Variants in KCTD8 observed in about 807,000 individuals in gnomAD.
KCTD8 encodes potassium channel tetramerization domain containing 8, also known as BTB/POZ domain-containing protein KCTD8.
Under a neutral mutation model 31.5 loss-of-function variants are expected in KCTD8, and 27 were observed. The observed-to-expected ratio is 0.86, with a 90% confidence interval of 0.63 to 1.18. The LOEUF (loss-of-function observed/expected upper bound fraction) is 1.18, where lower values mean the gene tolerates loss of function less well. Ranked by LOEUF, KCTD8 falls within the 50% of genes most tolerant of loss-of-function variation. KCTD8 has a pLI of 0.00. For synonymous variants in KCTD8, 290 were observed against 280.0 expected, an observed-to-expected ratio of 1.04 and a Z score of -0.36; for missense variants, 658 against 647.7, an observed-to-expected ratio of 1.02 and a Z score of -0.17.
At chr4:44,176,362 C>T (rs756065705) in intron 1 of KCTD8, among the ~76,000 whole-genome samples, 1 of 152,136 alleles carries the variant, frequency 6.6e-6, no homozygotes, top group East Asian at 1.9e-4. Context: ...ATTATTGATA[C>T]CTTGGAACCA....
chr4:44,174,871 A>T lies in KCTD8; in HGVS notation c.1341T>A (p.Phe447Leu), dbSNP rs757263354. The T allele has an allele frequency of 6.8e-6, 11 of 1,613,680 alleles. No homozygotes were observed. Among genetic ancestry groups the T allele is most frequent in the East Asian group, 4.5e-5 (2 of 44,896 alleles). Residue 447 changes from phenylalanine (F) to leucine (L), a missense_variant, in exon 2 of 2, where the codon TTT becomes TTA. By Grantham distance (22) the Phe-to-Leu change is conservative (BLOSUM62 0). Coordinates refer to ENST00000360029, the MANE Select transcript of KCTD8 (RefSeq NM_198353.3). ...AATAATCTGGAATGTGGATTTTTTT[A>T]AAATCCTGAATACACTTTTTCATTT... ...EEEMKKCIQD[F>L]KKIHIPDYFP...
rs1720263904 is a variant in KCTD8, at chr4:44,387,895, G to A, written c.961+59668C>T. On this transcript the variant is annotated intron_variant, in intron 1 of 1. Coordinates refer to ENST00000360029, the MANE Select transcript of KCTD8 (RefSeq NM_198353.3). ...ATTGAATAAACTTAAGAGCTGCATG[G>A]CAAAAGAAACTTGCCAACTGAGTAA... 2.0e-5 allele frequency among the ~76,000 whole-genome samples: 3 copies of A among 151,274 alleles called. No homozygotes were observed. The South Asian group carries it at 6.2e-4, about 31-fold the overall frequency.
chr4:44,301,108 G>C (rs1299698833), intron 1 of KCTD8, among the ~76,000 whole-genome samples: 2 of 151,954 alleles, frequency 1.3e-5, no homozygotes, highest in East Asian at 3.9e-4. Flanking sequence ...TCTTAATCCA[G>C]TCTATCGTTG....
intron 1 of KCTD8, among the ~76,000 whole-genome samples, chr4:44,206,068 G>C (rs1354990035): frequency 6.6e-6 from 1 of 152,070 alleles, no homozygotes; most frequent in East Asian, 1.9e-4. Flanking sequence ...GAACAGTGAA[G>C]GCAAGCTTTC....
chr4:44,446,573 G>T (rs573333681), intron 1 of KCTD8, among the ~76,000 whole-genome samples: 4 of 152,030 alleles, frequency 2.6e-5, no homozygotes, highest in Non-Finnish European at 5.9e-5. Flanking sequence ...TCAGATTATG[G>T]TATTTGGTAT....
intron 1 of KCTD8, among the ~76,000 whole-genome samples, chr4:44,219,959 G>GT (rs898975448): frequency 2.0e-5 from 3 of 152,086 alleles, no homozygotes; most frequent in African/African-American, 7.2e-5. Context: ...TAAAAATGTT[G>GT]TTTTTTATTT....
At chr4:44,226,920 T>C (rs1248832385) in intron 1 of KCTD8, among the ~76,000 whole-genome samples, 1 of 151,346 alleles carries the variant, frequency 6.6e-6, no homozygotes, top group African/African-American at 2.4e-5. Flanking sequence ...TTTAAGTTCC[T>C]TGTAGATTCT....
Position 44,205,112 on chromosome 4 carries a change from T to C in KCTD8, c.962-29862A>G, listed in dbSNP as rs543696537. 4.8e-3 allele frequency among the ~76,000 whole-genome samples: 738 copies of C among 152,288 alleles called. 7 individuals carry two copies. Among genetic ancestry groups the C allele is most frequent in the African/African-American group, 0.017 (696 of 41,572 alleles). On this transcript the variant is annotated intron_variant, in intron 1 of 1. Coordinates refer to ENST00000360029, the MANE Select transcript of KCTD8 (RefSeq NM_198353.3). ...TATCTTTCAAATAAATATGTATACA[T>C]GCAATGCAAGACTAATGCAAATCTC...
At chr4:44,416,132 G>A (rs6834897) in intron 1 of KCTD8, among the ~76,000 whole-genome samples, 11,815 of 152,256 alleles carry the variant, frequency 0.078, 1,272 homozygotes, top group African/African-American at 0.25. Flanking sequence ...GATTATTTTC[G>A]AGCTATAAGA....
chr4:44,402,510 C>A (rs886996471), intron 1 of KCTD8, among the ~76,000 whole-genome samples: 22 of 152,058 alleles, frequency 1.4e-4, no homozygotes, highest in Non-Finnish European at 2.2e-4. Flanking sequence ...TACGGTAGTG[C>A]CCCCATAAAC....
intron 1 of KCTD8, among the ~76,000 whole-genome samples, chr4:44,175,578 TA>T (rs779927410): frequency 1.8e-4 from 28 of 151,558 alleles, no homozygotes; most frequent in South Asian, 6.3e-4. Flanking sequence ...TCCTGGAATA[TA>T]AAAAAAAATG....
intron 1 of KCTD8, among the ~76,000 whole-genome samples, chr4:44,405,000 T>C (rs1197952918): frequency 6.6e-6 from 1 of 152,136 alleles, no homozygotes; most frequent in Non-Finnish European, 1.5e-5. Flanking sequence ...CTAAAAGAAA[T>C]TACAGTTCAA....
rs1721987554 is a variant in KCTD8 at position 44,447,887 on chromosome 4, A to G, written c.637T>C (p.Tyr213His). The G allele has an allele frequency of 6.5e-7, 1 of 1,538,014 alleles. No homozygotes were observed. Among genetic ancestry groups the G allele is most frequent in the East Asian group, 2.5e-5 (1 of 39,670 alleles). The change falls in exon 1 of 2, where the codon TAC (tyrosine) becomes CAC (histidine). Residue 213 changes from tyrosine to histidine, a missense_variant. By Grantham distance (83) the Tyr-to-His change is moderately conservative (BLOSUM62 2). Coordinates refer to ENST00000360029, the MANE Select transcript of KCTD8 (RefSeq NM_198353.3). ...CGCACGGTGGTGTAGGAGCCCCGGT[A>G]GCCCAGCGTGAGGAAGCCCGAGCGC... Reference protein sequence around the residue: ...DKRSGFLTLGYRGSYTTVRDN... With the variant: ...DKRSGFLTLGHRGSYTTVRDN...
intron 1 of KCTD8, among the ~76,000 whole-genome samples, chr4:44,351,764 T>G (rs1386169924): frequency 6.6e-6 from 1 of 152,086 alleles, no homozygotes; most frequent in Non-Finnish European, 1.5e-5. Flanking sequence ...GAACATTTTG[T>G]CCCTGCCTAG....
At chr4:44,289,243 C>T (rs57294429) in intron 1 of KCTD8, among the ~76,000 whole-genome samples, 1,965 of 150,940 alleles carry the variant, frequency 0.013, 49 homozygotes, top group African/African-American at 0.045. Context: ...TATTAAAATG[C>T]TATACTATTA....
chr4:44,258,930 C>A (rs530556139), intron 1 of KCTD8, among the ~76,000 whole-genome samples: 27 of 151,844 alleles, frequency 1.8e-4, no homozygotes, highest in African/African-American at 6.0e-4. Flanking sequence ...TAATAATGAC[C>A]CCTACCTCAT....
Position 44,353,371 on chromosome 4 carries a change from T to C in KCTD8, c.961+94192A>G, listed in dbSNP as rs577341585. 7.9e-5 allele frequency among the ~76,000 whole-genome samples: 12 copies of C among 152,212 alleles called. No homozygotes were observed. The South Asian group carries it at 2.1e-3, about 26-fold the overall frequency. Reference sequence around the variant, plus strand: ...CAAGTATAAGAGTTGTATATATTTATGGGATACATGTGATAGTTTAATACA... The same window carrying C: ...CAAGTATAAGAGTTGTATATATTTACGGGATACATGTGATAGTTTAATACA... On this transcript the variant is annotated intron_variant, in intron 1 of 1. Coordinates refer to ENST00000360029, the MANE Select transcript of KCTD8 (RefSeq NM_198353.3).
chr4:44,412,115 A>T (rs899520625), intron 1 of KCTD8, among the ~76,000 whole-genome samples: 17 of 152,168 alleles, frequency 1.1e-4, no homozygotes, highest in Non-Finnish European at 2.1e-4. Flanking sequence ...AATAATTTGG[A>T]AAGAGAATTG....
intron 1 of KCTD8, among the ~76,000 whole-genome samples, chr4:44,296,333 A>G (rs1183464750): frequency 6.6e-6 from 1 of 151,318 alleles, no homozygotes; most frequent in African/African-American, 2.5e-5. Flanking sequence ...GAGGCTATGG[A>G]AATTAAATCC....
Sources: allele counts gnomAD v4.1 joint callset (sites outside exome capture counted in the v4.1 genomes callset), GRCh38; gene constraint gnomAD v4.1.1; transcripts MANE v1.5; gene names NCBI Gene and HGNC (gene_info 2026-07-23, HGNC 2026-07-21).